Variants in AFF3 observed in about 807,000 individuals in gnomAD.
AFF3 encodes the protein ALF transcription elongation factor 3, also known as AF4/FMR2 family member 3.
A neutral mutation model predicts 129.7 loss-of-function variants in AFF3; 32 were observed. The ratio of observed to expected loss-of-function variants is 0.25; its 90% CI spans 0.19 to 0.33. AFF3 has a LOEUF of 0.33. AFF3 is among the 10% of genes least tolerant of loss of function. The pLI is 1.00. For synonymous variants in AFF3, 644 were observed against 635.4 expected, an observed-to-expected ratio of 1.01 and a Z score of -0.20; for missense variants, 1,373 against 1,592.0, an observed-to-expected ratio of 0.86 and a Z score of 2.34.
intron 7 of AFF3, among the ~76,000 whole-genome samples, chr2:99,897,529 T>A (rs1383961166): frequency 1.3e-5 from 2 of 152,184 alleles, no homozygotes; most frequent in Non-Finnish European, 2.9e-5. Flanking sequence ...CTGCTCATGT[T>A]GGTCATCTCT....
intron 2 of AFF3, among the ~76,000 whole-genome samples, chr2:100,124,301 G>T (rs1692098052): frequency 6.6e-6 from 1 of 152,100 alleles, no homozygotes; most frequent in Non-Finnish European, 1.5e-5. Flanking sequence ...ACTTAAAAGG[G>T]TTTCCTGAGT....
intron 4 of AFF3, among the ~76,000 whole-genome samples, chr2:100,020,561 C>T (rs566225005): frequency 1.8e-4 from 27 of 152,262 alleles, no homozygotes; most frequent in Non-Finnish European, 3.2e-4. Flanking sequence ...GACCCCAACC[C>T]CAGCCTCTAC....
intron 7 of AFF3, among the ~76,000 whole-genome samples, chr2:99,840,924 G>C (rs1469552437): frequency 6.6e-6 from 1 of 152,188 alleles, no homozygotes; most frequent in Non-Finnish European, 1.5e-5. Flanking sequence ...CATTAATCAT[G>C]ACTCTTATCC....
chr2:100,025,059 C>T (rs1285931221), intron 4 of AFF3, among the ~76,000 whole-genome samples: 1 of 152,080 alleles, frequency 6.6e-6, no homozygotes, highest in African/African-American at 2.4e-5. Flanking sequence ...TATCTATAAA[C>T]ATGAAAAATG....
intron 4 of AFF3, among the ~76,000 whole-genome samples, chr2:100,092,634 G>A (rs1348529639): frequency 6.6e-6 from 1 of 152,160 alleles, no homozygotes; most frequent in Non-Finnish European, 1.5e-5. Context: ...TGAATGCCAG[G>A]GACCTGAAAC....
chr2:99,927,419 C>T (rs976464421), intron 7 of AFF3, among the ~76,000 whole-genome samples: 3 of 152,036 alleles, frequency 2.0e-5, no homozygotes, highest in African/African-American at 7.2e-5. Context: ...GAGATCGTGC[C>T]CTGTGCAGGA....
At chr2:99,711,035 G>A (rs765605281) in intron 11 of AFF3, among the ~76,000 whole-genome samples, 96 of 152,088 alleles carry the variant, frequency 6.3e-4, no homozygotes, top group Non-Finnish European at 1.2e-3. Context: ...TCAGCGACAG[G>A]AGCCAGGCTT....
chr2:99,635,759 AT>A (rs1324728736), intron 13 of AFF3, among the ~76,000 whole-genome samples: 3 of 152,104 alleles, frequency 2.0e-5, no homozygotes, highest in Non-Finnish European at 4.4e-5. Flanking sequence ...AAGTGGCTCC[AT>A]CTCTCTAGGC....
chr2:99,866,965 A>C (rs898344430), intron 7 of AFF3, among the ~76,000 whole-genome samples: 30 of 92,684 alleles, frequency 3.2e-4, no homozygotes, highest in South Asian at 1.6e-3. Flanking sequence ...AACACAGCAT[A>C]ATAATAATAA....
chr2:100,138,407 C>A (rs1414755964), intron 1 of AFF3, among the ~76,000 whole-genome samples: 1 of 152,164 alleles, frequency 6.6e-6, no homozygotes, highest in Non-Finnish European at 1.5e-5. Flanking sequence ...TCCTGTGGTT[C>A]TTAACGGTGT....
At chr2:99,897,835 A>C (rs761740116) in intron 7 of AFF3, among the ~76,000 whole-genome samples, 7 of 152,232 alleles carry the variant, frequency 4.6e-5, no homozygotes, top group Non-Finnish European at 1.0e-4. Flanking sequence ...CACTGAATTG[A>C]AATACGTAGT....
At position 100,008,827 on chromosome 2, in the gene AFF3, G is replaced by A; in HGVS notation, c.159C>T (p.Phe53=). ...AACCATCTACCTTGTAGGGCTCACTGAAGAGAGAGTAACTAGAATTAAACG... is the reference window on the plus strand; with the variant it reads ...AACCATCTACCTTGTAGGGCTCACTAAAGAGAGAGTAACTAGAATTAAACG... The part of the protein sequence containing the change: ...DGTFNSSYSL[F]SEPYKTNKGD... The change falls in exon 5 of 25, where the codon TTC becomes TTT. Residue 53 remains phenylalanine (F), a synonymous_variant. Transcript: ENST00000672756. 1 of 1,614,044 alleles carries A rather than the reference G, an allele frequency of 6.2e-7. No individual in the cohort carries two copies.
At position 99,594,163 on chromosome 2, in the gene AFF3, C is replaced by A. The variant is rs140115275; in HGVS notation, c.1498G>T (p.Val500Leu). 1.3e-3 allele frequency: 2,124 copies of A among 1,614,142 alleles called. 2 individuals are homozygous for A. Among genetic ancestry groups the A allele is most frequent in the Non-Finnish European group, 1.6e-3 (1,934 of 1,180,006 alleles). Residue 500 changes from valine (V) to leucine (L), a missense_variant, in exon 15 of 25, where the codon GTG becomes TTG. Val to Leu is a conservative substitution (Grantham distance 32, BLOSUM62 1). Transcript: ENST00000672756. Reference protein sequence around the residue: ...GSESNQYYNPVKEDVQDCGKV... With the variant: ...GSESNQYYNPLKEDVQDCGKV... ...CCACAGTCCTGGACGTCCTCTTTCA[C>A]CGGGTTGTAGTACTGATTGCTCTCT...
At chr2:100,062,726 C>T (rs1219457729) in intron 4 of AFF3, among the ~76,000 whole-genome samples, 3 of 152,036 alleles carry the variant, frequency 2.0e-5, no homozygotes, top group African/African-American at 4.8e-5. Flanking sequence ...TGACTTAGGC[C>T]CCAAGACTTT....
chr2:99,816,813 A>C (rs6723474), intron 8 of AFF3, among the ~76,000 whole-genome samples: 2 of 151,936 alleles, frequency 1.3e-5, no homozygotes, highest in African/African-American at 4.8e-5. Context: ...GTTAGGTAGC[A>C]CACATTCCTG....
chr2:99,777,973 A>C (rs558120278), intron 8 of AFF3, among the ~76,000 whole-genome samples: 178 of 139,718 alleles, frequency 1.3e-3, no homozygotes, highest in African/African-American at 4.6e-3. Flanking sequence ...AAAAAAAAAC[A>C]AAATGCAAAA....
At position 99,758,088 on chromosome 2, in the gene AFF3, C is replaced by T. The variant is rs1037587738; in HGVS notation, c.922-5787G>A. Reference sequence around the variant, plus strand: ...CTGAACAAATACTGAATTGAACATTCAGCAGTGAATCTCTGCAGTGTGTCT... The same window carrying T: ...CTGAACAAATACTGAATTGAACATTTAGCAGTGAATCTCTGCAGTGTGTCT... On this transcript the variant is annotated intron_variant, in intron 8 of 24. Coordinates refer to ENST00000672756, the MANE Select transcript of AFF3 (RefSeq NM_001386135.1). 2.0e-5 allele frequency among the ~76,000 whole-genome samples: 3 copies of T among 152,192 alleles called. No homozygotes were observed. In the South Asian group the frequency reaches 6.2e-4, roughly 31 times the overall value.
chr2:99,798,318 A>G (rs1685692694), intron 8 of AFF3, among the ~76,000 whole-genome samples: 1 of 152,046 alleles, frequency 6.6e-6, no homozygotes, highest in African/African-American at 2.4e-5. Flanking sequence ...AAAAGAAGAC[A>G]GGACAAGAGG....
intron 7 of AFF3, among the ~76,000 whole-genome samples, chr2:99,850,715 G>A (rs2105867740): frequency 6.6e-6 from 1 of 152,274 alleles, no homozygotes; most frequent in South Asian, 2.1e-4. Flanking sequence ...AACGTTGAAT[G>A]GTAAATTTCT....
Sources: allele counts gnomAD v4.1 joint callset (sites outside exome capture counted in the v4.1 genomes callset), GRCh38; gene constraint gnomAD v4.1.1; transcripts MANE v1.5; gene names NCBI Gene and HGNC (gene_info 2026-07-23, HGNC 2026-07-21).